Variants in CDH2 observed in about 807,000 individuals in gnomAD.
CDH2 encodes the protein cadherin 2, also known as cadherin-2.
A neutral mutation model predicts 92.0 loss-of-function variants in CDH2; 17 were observed. The ratio of observed to expected loss-of-function variants is 0.18; its 90% CI spans 0.13 to 0.28. CDH2 has a LOEUF of 0.28. CDH2 is among the 10% of genes least tolerant of loss of function. The pLI, the probability that CDH2 is intolerant of heterozygous loss-of-function variation, is 1.00. For synonymous variants in CDH2, 419 were observed against 415.9 expected (o/e 1.01, Z -0.09); for missense variants, 862 against 1,133.1 (o/e 0.76, Z 3.44).
Position 28,042,590 on chromosome 18 carries a change from C to A in CDH2, c.173-28681G>T, listed in dbSNP as rs114567404. ...GCACTTACTGGGTACCTATTATGTTCCAGGCACTGTTAGGGGCCCTAGGGA... is the reference window on the plus strand; with the variant it reads ...GCACTTACTGGGTACCTATTATGTTACAGGCACTGTTAGGGGCCCTAGGGA... On this transcript the variant is annotated intron_variant, in intron 2 of 15. Transcript: ENST00000269141. 3.7e-3 allele frequency among the ~76,000 whole-genome samples: 557 copies of A among 152,192 alleles called. 3 individuals carry two copies. Among genetic ancestry groups the A allele is most frequent in the African/African-American group, 0.012 (508 of 41,522 alleles).
At chr18:27,962,608 A>G (rs903523560) in intron 15 of CDH2, among the ~76,000 whole-genome samples, 28 of 152,322 alleles carry the variant, frequency 1.8e-4, no homozygotes, top group African/African-American at 6.7e-4. Flanking sequence ...CCATATATTC[A>G]CAGTCAACAT....
chr18:27,993,598 T>C lies in CDH2; in HGVS notation c.1060A>G (p.Met354Val). ...QYTLIIQATD[M>V]EGNPTYGLSN... ...AGGCCATATGTGGGATTGCCTTCCA[T>C]GTCTGTAGCTTGAATTATTAACGTA... is the stretch of plus-strand genomic sequence containing the variant. The change falls in exon 8 of 16, where the codon ATG becomes GTG. Residue 354 changes from methionine to valine, a missense_variant. Physicochemically the swap from Met to Val is conservative, Grantham distance 21. This residue lies in a region of CDH2 where 564 missense variants were observed against 722.2 expected (regional missense o/e 0.78). Coordinates refer to ENST00000269141, the MANE Select transcript of CDH2 (RefSeq NM_001792.5). 2 of 1,613,536 alleles carry C rather than the reference T, an allele frequency of 1.2e-6. No individual in the cohort carries two copies. Among genetic ancestry groups the C allele is most frequent in the South Asian group, 2.2e-5 (2 of 91,064 alleles).
chr18:28,026,564 A>G (rs2013559224), intron 2 of CDH2, among the ~76,000 whole-genome samples: 1 of 152,138 alleles, frequency 6.6e-6, no homozygotes, highest in Non-Finnish European at 1.5e-5. Flanking sequence ...ACTCTCCTAG[A>G]GATCATTCTC....
Position 27,979,215 on chromosome 18 carries a change from C to T in CDH2, c.2349+3729G>A, listed in dbSNP as rs117786222. Among the ~76,000 whole-genome samples the T allele has an allele frequency of 2.5e-4, 38 of 152,060 alleles. No individual in the cohort carries two copies. The East Asian group carries it at 6.6e-3, about 26-fold the overall frequency. Reference sequence around the variant, plus strand: ...AAAGTAGACAAACAGGCTAAACAAACGTCATGAAATAACATATCAAAAGGG... The same window carrying T: ...AAAGTAGACAAACAGGCTAAACAAATGTCATGAAATAACATATCAAAAGGG... On this transcript the variant is annotated intron_variant, in intron 14 of 15. Transcript: ENST00000269141.
intron 2 of CDH2, among the ~76,000 whole-genome samples, chr18:28,141,378 A>C (rs1426831802): frequency 6.6e-6 from 1 of 151,958 alleles, no homozygotes; most frequent in Admixed American, 6.6e-5. Flanking sequence ...ATGCTTAATG[A>C]CTAGAGTGTT....
intron 2 of CDH2, among the ~76,000 whole-genome samples, chr18:28,053,349 A>T (rs7241239): frequency 0.023 from 3,487 of 152,292 alleles, 105 homozygotes; most frequent in African/African-American, 0.074. Flanking sequence ...TCTTTTAAAG[A>T]TTATAAAACC....
At chr18:28,091,109 C>T (rs901193930) in intron 2 of CDH2, among the ~76,000 whole-genome samples, 4 of 152,216 alleles carry the variant, frequency 2.6e-5, no homozygotes, top group African/African-American at 9.6e-5. Context: ...ATGTACTCTG[C>T]TATGAAGCCA....
At chr18:28,032,909 T>C (rs936468175) in intron 2 of CDH2, among the ~76,000 whole-genome samples, 3 of 152,060 alleles carry the variant, frequency 2.0e-5, no homozygotes, top group African/African-American at 7.2e-5. Context: ...ACAGTGAGTA[T>C]AGAGATAGAC....
intron 2 of CDH2, among the ~76,000 whole-genome samples, chr18:28,042,459 C>A (rs2013966401): frequency 6.6e-6 from 1 of 152,064 alleles, no homozygotes; most frequent in African/African-American, 2.4e-5. Flanking sequence ...AAAATATTTA[C>A]AAATCTTGAA....
chr18:28,062,204 T>C (rs1159010258), intron 2 of CDH2, among the ~76,000 whole-genome samples: 2 of 152,212 alleles, frequency 1.3e-5, no homozygotes, highest in African/African-American at 2.4e-5. Flanking sequence ...ATTTAATATT[T>C]TTCTAGCCAT....
At chr18:28,044,318 A>G (rs919303084) in intron 2 of CDH2, among the ~76,000 whole-genome samples, 2 of 152,120 alleles carry the variant, frequency 1.3e-5, no homozygotes, top group African/African-American at 4.8e-5. Flanking sequence ...AACTGTTCAC[A>G]TTTTGCCTGT....
At chr18:28,141,346 G>C (rs369154256) in intron 2 of CDH2, among the ~76,000 whole-genome samples, 1 of 151,882 alleles carries the variant, frequency 6.6e-6, no homozygotes, top group Admixed American at 6.6e-5. Context: ...TGAGGCTACA[G>C]GGAAGGGAAA....
intron 2 of CDH2, among the ~76,000 whole-genome samples, chr18:28,058,917 AC>A (rs2014348598): frequency 6.6e-6 from 1 of 152,204 alleles, no homozygotes; most frequent in Non-Finnish European, 1.5e-5. Context: ...TATTGTAGAC[AC>A]TTGGTTACAA....
chr18:28,118,791 T>G (rs1470798546), intron 2 of CDH2, among the ~76,000 whole-genome samples: 1 of 152,056 alleles, frequency 6.6e-6, no homozygotes, highest in East Asian at 1.9e-4. Context: ...AGATTGTTCA[T>G]TCTAAAAAGT....
At position 28,104,865 on chromosome 18, in the gene CDH2, T is replaced by C. The variant is rs188789663; in HGVS notation, c.172+42808A>G. Among the ~76,000 whole-genome samples the C allele has an allele frequency of 4.0e-3, 609 of 152,108 alleles. 7 individuals are homozygous for C. The highest frequency in any genetic ancestry group is 0.014 in the African/African-American group (587 of 41,556). On this transcript the variant is annotated intron_variant, in intron 2 of 15. Coordinates refer to ENST00000269141, the MANE Select transcript of CDH2 (RefSeq NM_001792.5). ...TTAATTATGTGAATGAAGATGATTATCTTGGATGATAATTTTACTTGTAGA... is the reference window on the plus strand; with the variant it reads ...TTAATTATGTGAATGAAGATGATTACCTTGGATGATAATTTTACTTGTAGA...
intron 2 of CDH2, among the ~76,000 whole-genome samples, chr18:28,145,966 C>A (rs7229198): frequency 0.038 from 5,792 of 152,092 alleles, 396 homozygotes; most frequent in African/African-American, 0.13. Context: ...AATCTTTCAC[C>A]TTTACAACTT....
chr18:28,121,808 G>A (rs62103112), intron 2 of CDH2, among the ~76,000 whole-genome samples: 1 of 152,080 alleles, frequency 6.6e-6, no homozygotes, highest in Non-Finnish European at 1.5e-5. Context: ...TGTGCACAAA[G>A]CTGTGATACT....
At chr18:28,131,526 A>G (rs2015769669) in intron 2 of CDH2, among the ~76,000 whole-genome samples, 1 of 152,230 alleles carries the variant, frequency 6.6e-6, no homozygotes, top group Admixed American at 6.5e-5. Context: ...GATCTGACCT[A>G]GAAAAAGCCC....
chr18:28,103,335 T>TTA (rs71378968), intron 2 of CDH2, among the ~76,000 whole-genome samples: 3 of 137,692 alleles, frequency 2.2e-5, no homozygotes, highest in African/African-American at 7.8e-5. Flanking sequence ...AAAAACTCCT[T>TTA]TATATATATA....
Sources: gnomAD v4.1 joint callset for allele counts (sites outside exome capture counted in the v4.1 genomes callset) on GRCh38, gnomAD v4.1.1 for gene constraint, gnomAD v4.1.1 regional missense constraint, MANE v1.5 for transcripts, NCBI Gene and HGNC (gene_info 2026-07-23, HGNC 2026-07-21) for gene names.